Variants in RYR3 observed in about 807,000 individuals in gnomAD.
RYR3 encodes ryanodine receptor 3, also known as brain ryanodine receptor-calcium release channel.
RYR3 carries 207 observed loss-of-function variants against 584.3 expected under a neutral mutation model. The observed-to-expected ratio is 0.35, with a 90% CI of 0.32 to 0.40. RYR3 has a LOEUF of 0.40. RYR3 is among the 10% of genes least tolerant of loss of function. The pLI is 1.00. For missense variants in RYR3, 5,616 were observed against 6,089.2 expected (o/e 0.92, Z 2.59); for synonymous variants, 2,416 against 2,248.5 (o/e 1.07, Z -2.11).
intron 16 of RYR3, among the ~76,000 whole-genome samples, chr15:33,595,269 A>G (rs1381818465): frequency 2.6e-5 from 4 of 152,248 alleles, no homozygotes; most frequent in African/African-American, 9.6e-5. Context: ...AGGAAGCCCT[A>G]ATAGAAACAG....
chr15:33,332,337 A>G (rs1440590736), intron 1 of RYR3, among the ~76,000 whole-genome samples: 1 of 152,110 alleles, frequency 6.6e-6, no homozygotes, highest in South Asian at 2.1e-4. Flanking sequence ...TAGAGCAAAA[A>G]TGGTCAGTGC....
chr15:33,631,343 A>AT (rs1407535149), intron 23 of RYR3, 50 bp downstream of exon 23: 3 of 1,257,408 alleles, frequency 2.4e-6, no homozygotes, highest in Non-Finnish European at 3.4e-6. Flanking sequence ...TTCAGCCTGG[A>AT]TTTTTAATCC....
intron 75 of RYR3, 44 bp from the exon 76 acceptor site, chr15:33,818,534 A>C (rs2076941506): frequency 6.9e-7 from 1 of 1,447,748 alleles, no homozygotes; most frequent in East Asian, 2.3e-5. Flanking sequence ...ACGTGGCACG[A>C]GATTAAATTC....
intron 88 of RYR3, 60 bp downstream of exon 88, chr15:33,837,047 T>G: frequency 4.6e-6 from 6 of 1,294,796 alleles, no homozygotes; most frequent in Non-Finnish European, 6.6e-6. Flanking sequence ...AGCACTAACC[T>G]TACTGATCAT....
At chr15:33,739,459 C>A (rs190030935) in intron 50 of RYR3, among the ~76,000 whole-genome samples, 1 of 152,146 alleles carries the variant, frequency 6.6e-6, no homozygotes, top group East Asian at 1.9e-4. Flanking sequence ...GTGCCCTCTC[C>A]AGTTATAAGT....
At chr15:33,775,900 C>G (rs1264554600) in intron 64 of RYR3, among the ~76,000 whole-genome samples, 1 of 152,222 alleles carries the variant, frequency 6.6e-6, no homozygotes, top group Non-Finnish European at 1.5e-5. Flanking sequence ...AAGTCCTCTT[C>G]CAGGTCTGGA....
intron 85 of RYR3, among the ~76,000 whole-genome samples, chr15:33,830,380 G>T (rs1372800457): frequency 6.6e-6 from 1 of 152,146 alleles, no homozygotes; most frequent in African/African-American, 2.4e-5. Flanking sequence ...GCACTTTTTA[G>T]CAATAAAGTA....
chr15:33,814,228 C>T (rs1027623522), intron 74 of RYR3, among the ~76,000 whole-genome samples: 1 of 152,166 alleles, frequency 6.6e-6, no homozygotes, highest in Non-Finnish European at 1.5e-5. Flanking sequence ...GAGTTGACCA[C>T]CCAGACCGAT....
At chr15:33,595,841 G>GT (rs543325092) in intron 16 of RYR3, among the ~76,000 whole-genome samples, 18 of 151,934 alleles carry the variant, frequency 1.2e-4, no homozygotes, top group Non-Finnish European at 2.2e-4. Context: ...ATTTATCTCA[G>GT]TTTTTTTCCC....
chr15:33,698,416 A>G (rs1038168801), intron 40 of RYR3, among the ~76,000 whole-genome samples: 2 of 152,048 alleles, frequency 1.3e-5, no homozygotes, highest in East Asian at 1.9e-4. Flanking sequence ...TCCTCTGTCA[A>G]CCGAACTCCT....
intron 60 of RYR3, among the ~76,000 whole-genome samples, chr15:33,763,918 C>CAAAAAAAAAAAAAAAAAAA (rs2072755287): frequency 1.3e-5 from 1 of 78,092 alleles, no homozygotes; most frequent in African/African-American, 6.4e-5. Context: ...AAAAAAAAAT[C>CAAAAAAAAAAAAAAAAAAA]AGGAAACAAC....
At chr15:33,697,128 G>A (rs982944517) in intron 39 of RYR3, among the ~76,000 whole-genome samples, 3 of 152,156 alleles carry the variant, frequency 2.0e-5, no homozygotes, top group African/African-American at 7.2e-5. Flanking sequence ...TAGACCTACA[G>A]ACAACCTCCT....
chr15:33,642,361 T>G (rs145723400), intron 27 of RYR3, among the ~76,000 whole-genome samples: 32 of 152,362 alleles, frequency 2.1e-4, no homozygotes, highest in African/African-American at 7.7e-4. Context: ...TATTTCATGA[T>G]CTTCATGTTC....
intron 1 of RYR3, among the ~76,000 whole-genome samples, chr15:33,385,144 T>C (rs2041495643): frequency 6.6e-6 from 1 of 152,160 alleles, no homozygotes; most frequent in Non-Finnish European, 1.5e-5. Context: ...CATTAAAGGG[T>C]TATTTTCTGG....
chr15:33,591,087 T>C (rs2059108841), intron 16 of RYR3, among the ~76,000 whole-genome samples: 1 of 152,210 alleles, frequency 6.6e-6, no homozygotes, highest in Non-Finnish European at 1.5e-5. Context: ...CTTTGACCTC[T>C]CAATGATTTC....
chr15:33,636,321 C>T, intron 26 of RYR3, 55 bp from the exon 27 acceptor site: 2 of 1,463,116 alleles, frequency 1.4e-6, no homozygotes, highest in East Asian at 4.5e-5. Flanking sequence ...ATTTCTCCAG[C>T]TGCTGGGGCC....
intron 36 of RYR3, among the ~76,000 whole-genome samples, chr15:33,664,589 G>GTATA (rs139063789): frequency 0.056 from 5,072 of 91,288 alleles, 328 homozygotes; most frequent in East Asian, 0.11. Context: ...GTGTGTGTGT[G>GTATA]TATATATATA....
intron 14 of RYR3, among the ~76,000 whole-genome samples, chr15:33,583,688 G>A (rs11072551): frequency 0.3 from 45,274 of 152,048 alleles, 6,985 homozygotes; most frequent in Non-Finnish European, 0.32. Context: ...GGGAGGCTGA[G>A]GTGAGGAGGA....
chr15:33,808,683 T>A (rs1160488753), intron 70 of RYR3, among the ~76,000 whole-genome samples: 10 of 152,192 alleles, frequency 6.6e-5, no homozygotes, highest in African/African-American at 2.4e-4. Flanking sequence ...TTAAACCTGG[T>A]GGTAGAATGG....
Sources: gnomAD v4.1 joint callset for allele counts (sites outside exome capture counted in the v4.1 genomes callset) on GRCh38, gnomAD v4.1.1 for gene constraint, MANE v1.5 for transcripts, NCBI Gene and HGNC (gene_info 2026-07-23, HGNC 2026-07-21) for gene names.